PPFIA1: variants seen among roughly 807,000 people sequenced by gnomAD.
PPFIA1 encodes the protein PPFI scaffold protein A1.
A neutral mutation model predicts 149.9 loss-of-function variants in PPFIA1; 25 were observed. The ratio of observed to expected loss-of-function variants is 0.17; its 90% CI spans 0.12 to 0.23. The LOEUF (loss-of-function observed/expected upper bound fraction) is 0.23. Ranked by LOEUF, PPFIA1 falls within the 10% of genes least tolerant of loss-of-function variation. The pLI is 1.00. For missense variants in PPFIA1, 1,362 were observed against 1,506.5 expected, an observed-to-expected ratio of 0.90 and a Z score of 1.59; for synonymous variants, 549 against 552.8, an observed-to-expected ratio of 0.99 and a Z score of 0.10.
rs567519717 is a variant in PPFIA1 at position 70,274,690 on chromosome 11, A to G, written c.264+2254A>G. Reference sequence around the variant, plus strand: ...TCCAGTTTTTACACGTGCTCCCCTAATATTGTTTGTTTTTTGGTGCAGATG... The same window carrying G: ...TCCAGTTTTTACACGTGCTCCCCTAGTATTGTTTGTTTTTTGGTGCAGATG... On this transcript the variant is annotated intron_variant, in intron 2 of 27. Coordinates refer to ENST00000253925, the MANE Select transcript of PPFIA1 (RefSeq NM_003626.5). Among the ~76,000 whole-genome samples the G allele has an allele frequency of 2.0e-5, 3 of 151,882 alleles. No homozygotes were observed. The South Asian group carries it at 6.3e-4, about 32-fold the overall frequency.
At chr11:70,378,551 G>A in intron 26 of PPFIA1, 1 of 748,306 alleles carries the variant, frequency 1.3e-6, no homozygotes, top group Non-Finnish European at 1.6e-6. Context: ...TGTAGTAGTA[G>A]CTTCCAAACC....
Position 70,338,524 on chromosome 11 carries a change from G to T in PPFIA1, c.1571+71G>T, listed in dbSNP as rs565847147. On this transcript the variant is annotated intron_variant, in intron 13 of 27. Transcript: ENST00000253925. Reference sequence around the variant, plus strand: ...AGGCCAGTTCTTGGCTATGTGGGCAGCCTAACTGGATGTGGCTAATGGTGT... The same window carrying T: ...AGGCCAGTTCTTGGCTATGTGGGCATCCTAACTGGATGTGGCTAATGGTGT... 2.8e-5 allele frequency: 36 copies of T among 1,289,426 alleles called. No homozygotes were observed. The Middle Eastern group carries it at 7.6e-4, about 27-fold the overall frequency. 79.9% of individuals were successfully genotyped at this position (1,289,426 alleles called of 1,614,324 possible).
intron 8 of PPFIA1, among the ~76,000 whole-genome samples, chr11:70,330,844 G>A (rs2054609246): frequency 6.6e-6 from 1 of 152,148 alleles, no homozygotes; most frequent in Non-Finnish European, 1.5e-5. Flanking sequence ...GGCTAAGGAG[G>A]GAGGATGACT....
intron 2 of PPFIA1, among the ~76,000 whole-genome samples, chr11:70,314,334 A>G (rs73517145): frequency 0.024 from 3,631 of 152,246 alleles, 163 homozygotes; most frequent in African/African-American, 0.084. Context: ...GGGCCAGGAA[A>G]CAGAACTGAA....
intron 2 of PPFIA1, among the ~76,000 whole-genome samples, chr11:70,311,117 C>T (rs1231223350): frequency 6.6e-6 from 1 of 152,130 alleles, no homozygotes; most frequent in Non-Finnish European, 1.5e-5. Context: ...CGAGACCAGC[C>T]TGACCAACAT....
At chr11:70,282,518 ATTTTTTTTTTTTT>A (rs869216935) in intron 2 of PPFIA1, 9 of 71,462 alleles carry the variant, frequency 1.3e-4, no homozygotes, top group East Asian at 1.1e-3. Context: ...TTGAGTGCTG[ATTTTTTTTTTTTT>A]TTTTTTTTTT....
At chr11:70,373,171 C>A (rs137908978) in intron 23 of PPFIA1, among the ~76,000 whole-genome samples, 1 of 152,250 alleles carries the variant, frequency 6.6e-6, no homozygotes, top group East Asian at 1.9e-4. Flanking sequence ...TTCTCTTCTC[C>A]GTTGGGGAGT....
rs554915996 is a variant in PPFIA1 at position 70,346,427 on chromosome 11, C to CT, written c.1932-1751dup. ...ATCAACAAGAGCTGTGTTACTCCAG[C>CT]TTTTTTTTTTTATTAAAAAGAAAAA... is the stretch of plus-strand genomic sequence containing the variant. On this transcript the variant is annotated intron_variant, in intron 15 of 27. Coordinates refer to ENST00000253925, the MANE Select transcript of PPFIA1 (RefSeq NM_003626.5). Among the ~76,000 whole-genome samples the CT allele has an allele frequency of 3.2e-3, 468 of 145,640 alleles. 3 individuals carry two copies. Among genetic ancestry groups the CT allele is most frequent in the African/African-American group, 0.01 (411 of 39,882 alleles).
chr11:70,274,431 G>T (rs1035152232), intron 2 of PPFIA1, among the ~76,000 whole-genome samples: 1 of 152,142 alleles, frequency 6.6e-6, no homozygotes, highest in African/African-American at 2.4e-5. Flanking sequence ...ACTATTCCCA[G>T]TAGTTGTCCC....
At chr11:70,369,146 T>G (rs1257808050) in intron 21 of PPFIA1, among the ~76,000 whole-genome samples, 2 of 152,180 alleles carry the variant, frequency 1.3e-5, no homozygotes, top group Non-Finnish European at 2.9e-5. Flanking sequence ...AAATGCCTTT[T>G]ATCCAGTTGA....
Position 70,379,174 on chromosome 11 carries a change from C to G in PPFIA1, c.3550+979C>G, listed in dbSNP as rs75699210. On this transcript the variant is annotated intron_variant, in intron 26 of 27. Coordinates refer to ENST00000253925, the MANE Select transcript of PPFIA1 (RefSeq NM_003626.5). ...GTGCTACACACAGGTCACTCATGCT[C>G]ACTTCTGAGGCCAGTGAGCAGACTG... 3.4e-3 allele frequency among the ~76,000 whole-genome samples: 525 copies of G among 152,220 alleles called. 8 individuals carry two copies. In the East Asian group the frequency reaches 0.037, roughly 11 times the overall value.
At chr11:70,326,891 TTC>T (rs2054328626) in intron 7 of PPFIA1, 73 bp downstream of exon 7, 5 of 1,298,046 alleles carry the variant, frequency 3.9e-6, no homozygotes, top group Admixed American at 3.8e-5. Context: ...ATGATTTTTT[TTC>T]TCTGTTTGTC....
At chr11:70,278,856 C>T in intron 2 of PPFIA1, 1 of 443,002 alleles carries the variant, frequency 2.3e-6, no homozygotes, top group Non-Finnish European at 4.4e-6. Flanking sequence ...ATCAGCCACA[C>T]TGGACAGCTG....
intron 21 of PPFIA1, among the ~76,000 whole-genome samples, chr11:70,369,589 T>C (rs1196347802): frequency 1.3e-5 from 2 of 152,184 alleles, no homozygotes; most frequent in Non-Finnish European, 2.9e-5. Flanking sequence ...AGTGAAGCTA[T>C]CTTGGGTAGA....
At chr11:70,347,284 A>G (rs887368653) in intron 15 of PPFIA1, among the ~76,000 whole-genome samples, 4 of 152,218 alleles carry the variant, frequency 2.6e-5, no homozygotes, top group African/African-American at 9.6e-5. Flanking sequence ...CATAGGAAAA[A>G]TTGCCATCCA....
At position 70,339,176 on chromosome 11, in the gene PPFIA1, C is replaced by T. The variant is rs763308663; in HGVS notation, c.1577C>T (p.Pro526Leu). The T allele has an allele frequency of 6.8e-6, 11 of 1,613,344 alleles. No individual in the cohort carries two copies. The highest frequency in any genetic ancestry group is 5.5e-5 in the South Asian group (5 of 91,032). ...TCTTATTTTTCATGTTTCAGCCGAC[C>T]CCACTTGGGCAGTGTCCCAGATTTC... is the stretch of plus-strand genomic sequence containing the variant. ...LRGASLHHGR[P>L]HLGSVPDFRF... Residue 526 changes from proline (P) to leucine (L), a missense_variant, in exon 14 of 28, where the codon CCC becomes CTC. By Grantham distance (98) the Pro-to-Leu change is moderately conservative (BLOSUM62 -3). Around this residue, in one of 7 missense-constraint regions of PPFIA1, gnomAD observed 733 missense variants for 744.1 expected, o/e 0.99. Transcript: ENST00000253925.
At chr11:70,293,541 A>G (rs986643461) in intron 2 of PPFIA1, among the ~76,000 whole-genome samples, 1 of 152,184 alleles carries the variant, frequency 6.6e-6, no homozygotes, top group Non-Finnish European at 1.5e-5. Flanking sequence ...CCCCTACCCC[A>G]CTGCCTTTGG....
At chr11:70,333,049 G>A (rs1244480335) in intron 9 of PPFIA1, 9 of 457,892 alleles carry the variant, frequency 2.0e-5, no homozygotes, top group Non-Finnish European at 3.9e-5. Context: ...TGGGAGCTCT[G>A]CTGCTAAGGA....
intron 2 of PPFIA1, among the ~76,000 whole-genome samples, chr11:70,321,634 G>GAAAA (rs1411379305): frequency 3.9e-5 from 6 of 152,154 alleles, no homozygotes; most frequent in Non-Finnish European, 8.8e-5. Context: ...AAAAGAAAAA[G>GAAAA]GAAGAAGAAC....
Sources: gnomAD v4.1 joint callset for allele counts (sites outside exome capture counted in the v4.1 genomes callset) on GRCh38, gnomAD v4.1.1 for gene constraint, gnomAD v4.1.1 regional missense constraint, MANE v1.5 for transcripts, NCBI Gene and HGNC (gene_info 2026-07-23, HGNC 2026-07-21) for gene names.